The following SYNPR variants were observed in gnomAD, a reference collection of about 807,000 sequenced individuals.
SYNPR encodes synaptoporin.
In SYNPR, 23 loss-of-function variants were observed where a neutral mutation model predicts 32.9. The observed-to-expected ratio is 0.70, with a 90% CI of 0.50 to 0.99. The LOEUF is 0.99. Among genes scored for constraint, SYNPR ranks in the 50% least tolerant of loss-of-function variants. SYNPR has a pLI of 0.00. For synonymous variants in SYNPR, 146 were observed against 135.9 expected, an observed-to-expected ratio of 1.07 and a Z score of -0.52; for missense variants, 318 against 349.3, an observed-to-expected ratio of 0.91 and a Z score of 0.71.
chr3:63,329,402 C>T (rs914490667), intron 2 of SYNPR, among the ~76,000 whole-genome samples: 1 of 152,060 alleles, frequency 6.6e-6, no homozygotes, highest in Non-Finnish European at 1.5e-5. Flanking sequence ...GGATTTGAAC[C>T]CGGAATCTAA....
In SYNPR at chr3:63,571,630, A is replaced by G. The variant is rs148104763; in HGVS notation, c.408+14889A>G. The stretch of plus-strand genomic sequence containing the variant: ...TTCAGAAAATTTCTAAATGCTCATA[A>G]AAAGACAGTATTTCTTTTCTACCAC... On this transcript the variant is annotated intron_variant, in intron 4 of 5. Transcript: ENST00000478300. Among the ~76,000 whole-genome samples, 44 of 152,288 alleles carry G rather than the reference A, an allele frequency of 2.9e-4. 1 individual carries two copies. The East Asian group carries it at 7.2e-3, about 25-fold the overall frequency.
intron 2 of SYNPR, among the ~76,000 whole-genome samples, chr3:63,285,814 G>A (rs1017004317): frequency 2.0e-5 from 3 of 152,034 alleles, no homozygotes; most frequent in Admixed American, 6.6e-5. Flanking sequence ...TATAAGATAG[G>A]GCTAATAATA....
At chr3:63,209,320 A>AAAG in the SYNPR span, among the ~76,000 whole-genome samples, 2 of 151,806 alleles carry the variant, frequency 1.3e-5, no homozygotes, top group African/African-American at 2.4e-5. Context: ...CGTCTCAAAA[A>AAAG]AAAAAAAAAA....
intron 3 of SYNPR, among the ~76,000 whole-genome samples, chr3:63,535,357 T>C (rs1702183913): frequency 6.6e-6 from 1 of 152,134 alleles, no homozygotes; most frequent in Admixed American, 6.6e-5. Context: ...AAAGGCCTTT[T>C]GATATAGACT....
intron 3 of SYNPR, among the ~76,000 whole-genome samples, chr3:63,551,814 T>C (rs1027858490): frequency 6.6e-5 from 10 of 152,294 alleles, no homozygotes; most frequent in African/African-American, 2.4e-4. Flanking sequence ...AAGTTCAACA[T>C]GGACAGGCAC....
intron 2 of SYNPR, among the ~76,000 whole-genome samples, chr3:63,421,093 G>A (rs539415270): frequency 4.6e-4 from 70 of 152,120 alleles, no homozygotes; most frequent in African/African-American, 1.6e-3. Flanking sequence ...TGTTGCCCAG[G>A]AATGGTCTTA....
At chr3:63,389,503 T>C (rs1033694034) in intron 2 of SYNPR, among the ~76,000 whole-genome samples, 7 of 152,324 alleles carry the variant, frequency 4.6e-5, no homozygotes, top group South Asian at 4.1e-4. Flanking sequence ...ACTGATACTC[T>C]TTGGTTTTTA....
At chr3:63,612,596 A>G (rs1700215487) in intron 5 of SYNPR, among the ~76,000 whole-genome samples, 1 of 152,180 alleles carries the variant, frequency 6.6e-6, no homozygotes, top group Admixed American at 6.5e-5. Flanking sequence ...TTCCAACAAA[A>G]TAGCAAAAAA....
Position 63,395,277 on chromosome 3 carries a change from A to G in SYNPR, c.85-85555A>G, listed in dbSNP as rs2088196802. 1.3e-5 allele frequency among the ~76,000 whole-genome samples: 2 copies of G among 152,226 alleles called. 1 individual carries two copies. The highest frequency in any genetic ancestry group is 4.1e-4 in the South Asian group (2 of 4,834). ...ACACATTGATTCTTGCCTCTATTGA[A>G]TTATTCCTTATAAGAAATCTTGAGA... is the stretch of plus-strand genomic sequence containing the variant. On this transcript the variant is annotated intron_variant, in intron 2 of 5. Transcript: ENST00000478300.
intron 1 of SYNPR, among the ~76,000 whole-genome samples, chr3:63,237,007 G>A (rs911307950): frequency 2.7e-4 from 41 of 152,010 alleles, no homozygotes; most frequent in African/African-American, 9.7e-4. Context: ...TTTCACAGAT[G>A]CTCTTTATCA....
chr3:63,353,571 C>T (rs756140756), intron 2 of SYNPR, among the ~76,000 whole-genome samples: 4 of 152,184 alleles, frequency 2.6e-5, no homozygotes, highest in Non-Finnish European at 4.4e-5. Flanking sequence ...GTGATGTGGA[C>T]AGATCAGTCG....
chr3:63,612,206 C>G (rs191732864), intron 5 of SYNPR, among the ~76,000 whole-genome samples: 76 of 152,216 alleles, frequency 5.0e-4, no homozygotes, highest in Admixed American at 4.8e-3. Flanking sequence ...ACTGTTGAAA[C>G]AATTCAGTGA....
chr3:63,293,577 AAAC>A (rs1190715914), intron 2 of SYNPR, among the ~76,000 whole-genome samples: 1 of 152,200 alleles, frequency 6.6e-6, no homozygotes, highest in Non-Finnish European at 1.5e-5. Context: ...TAAGTAGCTT[AAAC>A]AACAGAAATG....
rs3082128 is a variant in SYNPR, at chr3:63,335,766, C to CTTTTTTTTTT, written c.84+57039_84+57048dup. Among the ~76,000 whole-genome samples the CTTTTTTTTTT allele has an allele frequency of 2.8e-3, 255 of 91,380 alleles. 18 individuals are homozygous for CTTTTTTTTTT. The highest frequency in any genetic ancestry group is 3.7e-3 in the Non-Finnish European group (175 of 47,192). The allele number at this position is 91,380 out of a possible 152,430, so 59.9% of individuals were successfully genotyped here. A position where few individuals can be genotyped will look rare whatever the true frequency, so the allele number is the denominator to read the frequency against. ...ACACACTCAAGTCCATATTAGCTTC[C>CTTTTTTTTTT]TTTTTTTTTTTTTTTTTTTTTTTTG... On this transcript the variant is annotated intron_variant, in intron 2 of 5. Coordinates refer to ENST00000478300, the MANE Select transcript of SYNPR (RefSeq NM_001130003.2).
rs147298684 is a variant in SYNPR, at chr3:63,315,622, T to G, written c.84+36880T>G. Among the ~76,000 whole-genome samples the G allele has an allele frequency of 3.2e-3, 490 of 152,134 alleles. 8 individuals carry two copies. The highest frequency in any genetic ancestry group is 0.027 in the Admixed American group (419 of 15,260). On this transcript the variant is annotated intron_variant, in intron 2 of 5. Coordinates refer to ENST00000478300, the MANE Select transcript of SYNPR (RefSeq NM_001130003.2). Reference sequence around the variant, plus strand: ...AAACTTTGCTGAATTCTTTTATCAGTTTTAGGAGCTTTCTGGAGGAGTCCT... The same window carrying G: ...AAACTTTGCTGAATTCTTTTATCAGGTTTAGGAGCTTTCTGGAGGAGTCCT...
upstream of SYNPR, chr3:63,228,275 A>T (rs1244199771): frequency 6.6e-6 from 1 of 152,208 alleles, no homozygotes; most frequent in Non-Finnish European, 1.5e-5. Context: ...GGAGGAGAGG[A>T]TACTGATATG....
intron 2 of SYNPR, among the ~76,000 whole-genome samples, chr3:63,403,056 T>C (rs2088313168): frequency 1.3e-5 from 2 of 152,192 alleles, no homozygotes; most frequent in South Asian, 4.1e-4. Flanking sequence ...AATGTTTATA[T>C]ATATTATTGT....
In SYNPR at chr3:63,616,650, T is replaced by A. The variant is rs1344210501; in HGVS notation, c.*1169T>A. The A allele has an allele frequency of 6.6e-6, 1 of 152,630 alleles. No individual in the cohort carries two copies. Among genetic ancestry groups the A allele is most frequent in the African/African-American group, 2.4e-5 (1 of 41,436 alleles). The allele number at this position is 152,630 out of a possible 1,614,324, so 9.5% of individuals were successfully genotyped here. On this transcript the variant is annotated 3_prime_UTR_variant, in exon 6 of 6. Coordinates refer to ENST00000478300, the MANE Select transcript of SYNPR (RefSeq NM_001130003.2). ...AGTTCTCATGAAATATTCTCCAGAA[T>A]GTATTCATTATCAAGAAAATGTCAA...
chr3:63,361,848 T>G (rs1401933749), intron 2 of SYNPR, among the ~76,000 whole-genome samples: 1 of 152,100 alleles, frequency 6.6e-6, no homozygotes, highest in South Asian at 2.1e-4. Context: ...ACACAAACAT[T>G]GTATTGTCCT....
Sources: gnomAD v4.1 joint callset for allele counts (sites outside exome capture counted in the v4.1 genomes callset) on GRCh38, gnomAD v4.1.1 for gene constraint, MANE v1.5 for transcripts, NCBI Gene and HGNC (gene_info 2026-07-23, HGNC 2026-07-21) for gene names.